TRABD2A: variants seen among roughly 807,000 people sequenced by gnomAD.
The protein encoded by TRABD2A is TraB domain containing 2A.
A neutral mutation model predicts 45.6 loss-of-function variants in TRABD2A; 43 were observed. That is an observed-to-expected ratio of 0.94 (90% CI 0.74 to 1.22). The LOEUF is 1.22. Among genes scored for constraint, TRABD2A ranks in the 50% most tolerant of loss-of-function variants. The pLI, the probability that TRABD2A is intolerant of heterozygous loss-of-function variation, is 0.00. For synonymous variants in TRABD2A, 269 were observed against 265.0 expected, an observed-to-expected ratio of 1.02 and a Z score of -0.15; for missense variants, 642 against 652.4, an observed-to-expected ratio of 0.98 and a Z score of 0.17.
intron 2 of TRABD2A, among the ~76,000 whole-genome samples, chr2:84,844,517 C>T (rs1681821590): frequency 6.6e-6 from 1 of 152,186 alleles, no homozygotes; most frequent in Non-Finnish European, 1.5e-5. Flanking sequence ...CAGACTGGTA[C>T]ATGTGGGATC....
chr2:84,854,611 C>A (rs1406897553), intron 2 of TRABD2A, among the ~76,000 whole-genome samples: 1 of 152,186 alleles, frequency 6.6e-6, no homozygotes, highest in East Asian at 1.9e-4. Flanking sequence ...CACAGAATAA[C>A]AGGGCAATAG....
intron 1 of TRABD2A, chr2:84,879,588 C>G: frequency 3.0e-6 from 3 of 985,268 alleles, no homozygotes; most frequent in Non-Finnish European, 3.6e-6. Flanking sequence ...CTTATCCAGA[C>G]TCACTCGTCA....
At chr2:84,866,639 C>T (rs887325020) in intron 2 of TRABD2A, among the ~76,000 whole-genome samples, 6 of 151,240 alleles carry the variant, frequency 4.0e-5, no homozygotes, top group Non-Finnish European at 8.8e-5. Context: ...TGTTCACTCC[C>T]TTCTGCTTAT....
Position 84,868,386 on chromosome 2 carries a change from T to C in TRABD2A, c.669+1839A>G, listed in dbSNP as rs544256085. The stretch of plus-strand genomic sequence containing the variant: ...TCATTCACAGGTGGGAATTGAACAA[T>C]GAGAACACTTGGACACAGGAAGGGG... On this transcript the variant is annotated intron_variant, in intron 2 of 6. Transcript: ENST00000409520. 2.0e-4 allele frequency among the ~76,000 whole-genome samples: 27 copies of C among 132,988 alleles called. 1 individual carries two copies. The highest frequency in any genetic ancestry group is 4.3e-3 in the Middle Eastern group (1 of 234). 87.2% of individuals were successfully genotyped at this position (132,988 alleles called of 152,430 possible).
chr2:84,824,163 G>T lies in TRABD2A; in HGVS notation c.1124C>A (p.Thr375Asn). The T allele has an allele frequency of 1.2e-6, 2 of 1,614,016 alleles. No individual in the cohort carries two copies. The highest frequency in any genetic ancestry group is 1.7e-6 in the Non-Finnish European group (2 of 1,179,902). The stretch of plus-strand genomic sequence containing the variant: ...GGTAGGGACTTTTGGAGCAAAGATG[G>T]TGGACAGAGTGGGCCGTGTGGAGGT... ...KKTSTRPTLS[T>N]IFAPKVPTLE... The change falls in exon 6 of 7, where the codon ACC (threonine) becomes AAC (asparagine). Residue 375 changes from threonine (T) to asparagine (N), a missense_variant. Transcript: ENST00000409520.
intron 5 of TRABD2A, among the ~76,000 whole-genome samples, chr2:84,824,957 A>G (rs1350084951): frequency 6.6e-6 from 1 of 152,364 alleles, no homozygotes; most frequent in East Asian, 1.9e-4. Context: ...AGGTGACTAT[A>G]GTCACCAAAT....
chr2:84,873,600 G>A (rs1193234534), intron 1 of TRABD2A, among the ~76,000 whole-genome samples: 2 of 152,168 alleles, frequency 1.3e-5, no homozygotes, highest in African/African-American at 4.8e-5. Flanking sequence ...CTGCTAAGGC[G>A]AATTAAGCAA....
chr2:84,825,282 T>C (rs1483858682), intron 5 of TRABD2A, among the ~76,000 whole-genome samples: 1 of 152,146 alleles, frequency 6.6e-6, no homozygotes, highest in East Asian at 1.9e-4. Flanking sequence ...TGGGTCCCAG[T>C]TCTGAGCCAC....
At chr2:84,824,329 G>T in intron 5 of TRABD2A, 125 bp from the exon 6 acceptor site, 1 of 1,355,780 alleles carries the variant, frequency 7.4e-7, no homozygotes, top group Non-Finnish European at 9.9e-7. Flanking sequence ...AGCTGGCCAG[G>T]AAGGGCAGAA....
intron 2 of TRABD2A, among the ~76,000 whole-genome samples, chr2:84,856,018 G>C (rs886582216): frequency 1.3e-5 from 2 of 152,096 alleles, no homozygotes; most frequent in Admixed American, 1.3e-4. Flanking sequence ...TAGCCTCCCC[G>C]CACTCAAACA....
At chr2:84,840,255 G>A (rs1681663151) in intron 3 of TRABD2A, among the ~76,000 whole-genome samples, 1 of 151,882 alleles carries the variant, frequency 6.6e-6, no homozygotes, top group South Asian at 2.1e-4. Context: ...TTTTCAAATC[G>A]ACAGCCTTCA....
chr2:84,876,712 T>C (rs1386894300), intron 1 of TRABD2A, among the ~76,000 whole-genome samples: 2 of 152,224 alleles, frequency 1.3e-5, no homozygotes, highest in African/African-American at 4.8e-5. Flanking sequence ...TCATATCTTT[T>C]TTCAGTTAAT....
intron 2 of TRABD2A, among the ~76,000 whole-genome samples, chr2:84,852,950 C>T (rs1682146585): frequency 2.0e-5 from 3 of 152,224 alleles, no homozygotes; most frequent in Middle Eastern, 3.4e-3. Context: ...CCTTAACCAG[C>T]TGTGGAACCA....
At position 84,824,152 on chromosome 2, in the gene TRABD2A, GA is replaced by G. The variant is rs1327368178; in HGVS notation, c.1134del (p.Pro379GlnfsTer69). 8.1e-6 allele frequency: 13 copies of G among 1,613,980 alleles called. No homozygotes were observed. The South Asian group carries it at 1.4e-4, about 18-fold the overall frequency. The stretch of plus-strand genomic sequence containing the variant: ...GGTACTTCCAGGGTAGGGACTTTTG[GA>G]GCAAAGATGGTGGACAGAGTGGGCC... ...STRPTLSTIF[A>X]PKVPTLEVPA... On this transcript the variant is annotated frameshift_variant, in exon 6 of 7. Transcript: ENST00000409520. LOFTEE classifies it high-confidence loss of function.
At chr2:84,879,442 A>G (rs887099396) in intron 1 of TRABD2A, among the ~76,000 whole-genome samples, 12 of 152,090 alleles carry the variant, frequency 7.9e-5, no homozygotes, top group African/African-American at 2.9e-4. Context: ...TGGCCTCCCA[A>G]AGTGCTGGGA....
intron 2 of TRABD2A, among the ~76,000 whole-genome samples, chr2:84,846,410 C>G (rs990291706): frequency 6.6e-6 from 1 of 152,160 alleles, no homozygotes; most frequent in African/African-American, 2.4e-5. Flanking sequence ...GATTAAAACC[C>G]AGCACAAGAT....
At position 84,823,215 on chromosome 2, in the gene TRABD2A, A is replaced by G. The variant is rs1399109253; in HGVS notation, c.1334+738T>C. Reference sequence around the variant, plus strand: ...CTAAGTAGTAACCTCCAACACACACACACATATGCATGCACCACAAACACA... The same window carrying G: ...CTAAGTAGTAACCTCCAACACACACGCACATATGCATGCACCACAAACACA... On this transcript the variant is annotated intron_variant, in intron 6 of 6. Transcript: ENST00000409520. Among the ~76,000 whole-genome samples the G allele has an allele frequency of 3.9e-5, 6 of 152,094 alleles. 1 individual carries two copies. Among genetic ancestry groups the G allele is most frequent in the African/African-American group, 1.4e-4 (6 of 41,406 alleles).
In TRABD2A at chr2:84,830,366, T is replaced by C. The variant is rs1257161710; in HGVS notation, c.1082+1689A>G. ...AGAGGCGGGGACGGGATGGAGGCTCTTCTGAAGCAAGCAGCAGATCCATGC... is the reference window on the plus strand; with the variant it reads ...AGAGGCGGGGACGGGATGGAGGCTCCTCTGAAGCAAGCAGCAGATCCATGC... On this transcript the variant is annotated intron_variant, in intron 5 of 6. Transcript: ENST00000409520. The surrounding 1 kb of genome is among the most constrained non-coding windows in gnomAD (Gnocchi z 4.9). Among the ~76,000 whole-genome samples the C allele has an allele frequency of 6.6e-6, 1 of 152,102 alleles. No homozygotes were observed. Among genetic ancestry groups the C allele is most frequent in the Non-Finnish European group, 1.5e-5 (1 of 68,008 alleles).
chr2:84,874,157 T>A (rs1239015695), intron 1 of TRABD2A, among the ~76,000 whole-genome samples: 1 of 152,250 alleles, frequency 6.6e-6, no homozygotes. Flanking sequence ...CTGTTCAGTA[T>A]GCATCCATTT....
Sources: gnomAD v4.1 joint callset for allele counts (sites outside exome capture counted in the v4.1 genomes callset) on GRCh38, gnomAD v4.1.1 for gene constraint, Gnocchi (gnomAD v3.1) non-coding constraint, MANE v1.5 for transcripts, NCBI Gene and HGNC (gene_info 2026-07-23, HGNC 2026-07-21) for gene names.